The following MB variants were observed in gnomAD, a reference collection of about 807,000 sequenced individuals.
MB encodes nitrite reductase MB.
MB carries 10 observed loss-of-function variants against 14.5 expected under a neutral mutation model. The observed-to-expected ratio is 0.69, with a 90% CI of 0.43 to 1.17. MB has a LOEUF of 1.17. MB is among the 50% of genes most tolerant of loss of function. MB has a pLI of 0.00. For missense variants in MB, 169 were observed against 192.7 expected (o/e 0.88, Z 0.73); for synonymous variants, 89 against 78.6 (o/e 1.13, Z -0.70).
chr22:35,617,475 T>C (rs371975391), upstream of MB: 1 of 566,400 alleles, frequency 1.8e-6, no homozygotes, highest in African/African-American at 1.9e-5. Context: ...TCTCTAGCCC[T>C]CACATGGGAA....
At chr22:35,609,812 C>T (rs909865470) in intron 2 of MB, among the ~76,000 whole-genome samples, 1 of 152,212 alleles carries the variant, frequency 6.6e-6, no homozygotes, top group Admixed American at 6.5e-5. Context: ...CCTTTCCCAG[C>T]TTCCCGTGCA....
In MB at chr22:35,611,033, T is replaced by G; in HGVS notation, c.169A>C (p.Lys57Gln). 4.3e-6 allele frequency: 7 copies of G among 1,614,168 alleles called. No individual in the cohort carries two copies. Among genetic ancestry groups the G allele is most frequent in the Non-Finnish European group, 5.9e-6 (7 of 1,180,010 alleles). Residue 57 changes from lysine to glutamine, a missense_variant, in exon 2 of 3, where the codon AAG becomes CAG. Physicochemically the swap from Lys to Gln is moderately conservative, Grantham distance 53 (BLOSUM62 1). Transcript: ENST00000397326. ...FKHLKSEDEMKASEDLKKHGA... is the reference protein window; with the variant it reads ...FKHLKSEDEMQASEDLKKHGA... ...TGCTTCTTTAAGTCCTCAGACGCCT[T>G]CATCTCGTCCTCTGACTTCAGGTGC...
rs745951650 is a variant in MB at position 35,611,052 on chromosome 22, C to T, written c.150G>A (p.Leu50=). 2 of 1,614,044 alleles carry T rather than the reference C, an allele frequency of 1.2e-6. No individual in the cohort carries two copies. Among genetic ancestry groups the T allele is most frequent in the African/African-American group, 2.7e-5 (2 of 74,934 alleles). ...TLEKFDKFKH[L]KSEDEMKASE... is the part of the protein sequence containing the mutation. ...ACGCCTTCATCTCGTCCTCTGACTT[C>T]AGGTGCTTGAACTTGTCAAACTTCT... is the stretch of plus-strand genomic sequence containing the variant. The change falls in exon 2 of 3, where the codon CTG becomes CTA. Residue 50 remains leucine, a synonymous_variant. Transcript: ENST00000397326.
chr22:35,620,785 G>A (rs1923412262), upstream of MB, among the ~76,000 whole-genome samples: 4 of 152,146 alleles, frequency 2.6e-5, no homozygotes, highest in Non-Finnish European at 5.9e-5. Context: ...ATTACTACCC[G>A]AATCCCAGCT....
Position 35,610,869 on chromosome 22 carries a change from A to G in MB, c.318+15T>C. On this transcript the variant is annotated intron_variant, in intron 2 of 2. Transcript: ENST00000397326. ...CTTCCCCGCATCCTCCCACCTGCCC[A>G]GGCTCTGCTCCTACCTCCAGGTACT... The G allele has an allele frequency of 3.4e-6, 5 of 1,458,090 alleles. No homozygotes were observed. The highest frequency in any genetic ancestry group is 4.5e-6 in the Non-Finnish European group (5 of 1,109,180). 90.3% of individuals were successfully genotyped at this position (1,458,090 alleles called of 1,614,324 possible). A position where few individuals can be genotyped will look rare whatever the true frequency, so the allele number is the denominator to read the frequency against.
chr22:35,611,127 G>A (rs1922593813), intron 1 of MB, 21 bp from the exon 2 acceptor site: 3 of 1,593,140 alleles, frequency 1.9e-6, no homozygotes, highest in African/African-American at 1.3e-5. Context: ...AGGGAAGGCT[G>A]GAGTCGGCAT....
chr22:35,617,858 C>T (rs1352353551), upstream of MB, among the ~76,000 whole-genome samples: 2 of 152,194 alleles, frequency 1.3e-5, no homozygotes, highest in African/African-American at 2.4e-5. Context: ...CCAGGCAAGT[C>T]CACAATCTCT....
At chr22:35,610,516 C>T (rs995344220) in intron 2 of MB, among the ~76,000 whole-genome samples, 3 of 152,136 alleles carry the variant, frequency 2.0e-5, no homozygotes, top group East Asian at 1.9e-4. Flanking sequence ...CTCCTGTGAC[C>T]GTGGACAAGC....
chr22:35,607,818 G>A (rs1195233007), intron 2 of MB, among the ~76,000 whole-genome samples: 1 of 152,172 alleles, frequency 6.6e-6, no homozygotes, highest in Non-Finnish European at 1.5e-5. Context: ...CCGCTTGGGG[G>A]CAGCAGAAAA....
upstream of MB, among the ~76,000 whole-genome samples, chr22:35,618,723 C>T (rs542230896): frequency 6.6e-6 from 1 of 151,616 alleles, no homozygotes; most frequent in South Asian, 2.1e-4. Context: ...CCAAAATCCA[C>T]CAGTTCCTCC....
intron 1 of MB, 188 bp downstream of exon 1, chr22:35,616,975 T>C (rs1923121195): frequency 1.1e-5 from 6 of 571,008 alleles, no homozygotes; most frequent in Non-Finnish European, 1.9e-5. Context: ...CAGCCTGAAA[T>C]GGCTCCTTTC....
chr22:35,607,486 C>A (rs1922244349), intron 2 of MB, 43 bp from the exon 3 acceptor site: 9 of 1,599,294 alleles, frequency 5.6e-6, no homozygotes, highest in South Asian at 1.1e-5. Context: ...CAGGGTGGGA[C>A]AAGCCAGGGG....
At position 35,607,255 on chromosome 22, in the gene MB, G is replaced by T. The variant is rs2095427474; in HGVS notation, c.*42C>A. On this transcript the variant is annotated 3_prime_UTR_variant, in exon 3 of 3. Coordinates refer to ENST00000397326, the MANE Select transcript of MB (RefSeq NM_005368.3). ...ACGAGATCAGACCCCGCTCTCTCTT[G>T]AACCCGGGGCCCAGATGGGTGGGGG... 1 of 1,589,616 alleles carries T rather than the reference G, an allele frequency of 6.3e-7. No homozygotes were observed. Among genetic ancestry groups the T allele is most frequent in the African/African-American group, 1.3e-5 (1 of 74,140 alleles).
chr22:35,622,135 AAGG>A (rs1254788403), upstream of MB: 1 of 152,290 alleles, frequency 6.6e-6, no homozygotes, highest in Non-Finnish European at 1.5e-5. Flanking sequence ...ATGTGGCAAG[AAGG>A]AGAACTCTGG....
chr22:35,611,050 T>G lies in MB; in HGVS notation c.152A>C (p.Lys51Thr). ...AGACGCCTTCATCTCGTCCTCTGAC[T>G]TCAGGTGCTTGAACTTGTCAAACTT... ...LEKFDKFKHLKSEDEMKASED... is the reference protein window; with the variant it reads ...LEKFDKFKHLTSEDEMKASED... The change falls in exon 2 of 3, where the codon AAG becomes ACG. Residue 51 changes from lysine to threonine, a missense_variant. Transcript: ENST00000397326. 6.2e-7 allele frequency: 1 copy of G among 1,614,164 alleles called. No individual in the cohort carries two copies. Among genetic ancestry groups the G allele is most frequent in the Non-Finnish European group, 8.5e-7 (1 of 1,180,020 alleles).
At position 35,613,005 on chromosome 22, in the gene MB, G is replaced by A. The variant is rs568793650; in HGVS notation, c.96-1899C>T. Among the ~76,000 whole-genome samples, 22 of 152,216 alleles carry A rather than the reference G, an allele frequency of 1.4e-4. No homozygotes were observed. The South Asian group carries it at 1.7e-3, about 12-fold the overall frequency. On this transcript the variant is annotated intron_variant, in intron 1 of 2. Transcript: ENST00000397326. Reference sequence around the variant, plus strand: ...CCCATGTTGGGCATGGTCTGCCGCCGTGCCCAACATTGCCACCTCGCTCCA... The same window carrying A: ...CCCATGTTGGGCATGGTCTGCCGCCATGCCCAACATTGCCACCTCGCTCCA...
At chr22:35,618,433 C>T (rs1177624193), upstream of MB, among the ~76,000 whole-genome samples, 1 of 152,170 alleles carries the variant, frequency 6.6e-6, no homozygotes, top group Non-Finnish European at 1.5e-5. Flanking sequence ...ATCTTACATC[C>T]ATGCATCCTC....
intron 1 of MB, chr22:35,622,393 A>T (rs1923527209): frequency 6.5e-6 from 1 of 152,752 alleles, no homozygotes; most frequent in Non-Finnish European, 1.5e-5. Context: ...ATGGGGCAGC[A>T]GAACCCCCAA....
chr22:35,613,663 TTTTG>T lies in MB; in HGVS notation c.96-2561_96-2558del, dbSNP rs1288700613. Among the ~76,000 whole-genome samples, 3 of 109,864 alleles carry T rather than the reference TTTTG, an allele frequency of 2.7e-5. No individual in the cohort carries two copies. In the South Asian group the frequency reaches 1.0e-3, roughly 37 times the overall value. 72.1% of individuals were successfully genotyped at this position (109,864 alleles called of 152,430 possible). On this transcript the variant is annotated intron_variant, in intron 1 of 2. Transcript: ENST00000397326. ...GGCACACACCACCACGCCCAGCTAA[TTTTG>T]TTTATTTTTTGTAGAGAAGGGGGGT...
Sources: gnomAD v4.1 joint callset for allele counts (sites outside exome capture counted in the v4.1 genomes callset) on GRCh38, gnomAD v4.1.1 for gene constraint, MANE v1.5 for transcripts, NCBI Gene and HGNC (gene_info 2026-07-23, HGNC 2026-07-21) for gene names.